The following CAMSAP2 variants were observed in gnomAD, a reference collection of about 807,000 sequenced individuals.
The protein encoded by CAMSAP2 is calmodulin regulated spectrin associated protein family member 2, also known as calmodulin-regulated spectrin-associated protein 2.
CAMSAP2 carries 26 observed loss-of-function variants against 146.1 expected under a neutral mutation model. The observed-to-expected ratio is 0.18, with a 90% CI of 0.13 to 0.25. The LOEUF (loss-of-function observed/expected upper bound fraction) is 0.25, where lower values mean the gene tolerates loss of function less well. CAMSAP2 is among the 10% of genes least tolerant of loss of function. The pLI is 1.00. For missense variants in CAMSAP2, 1,381 were observed against 1,759.3 expected (o/e 0.78, Z 3.85); for synonymous variants, 499 against 596.6 (o/e 0.84, Z 2.38).
In CAMSAP2 at chr1:200,856,044, CGTT is replaced by C. The variant is rs763549843; in HGVS notation, c.3934_3936del (p.Cys1312del). 2.5e-6 allele frequency: 4 copies of C among 1,613,614 alleles called. No individual in the cohort carries two copies. Among genetic ancestry groups the C allele is most frequent in the African/African-American group, 2.7e-5 (2 of 74,876 alleles). Reference sequence around the variant, plus strand: ...TGTAGAAGGCTTCTTATCTCCAAGTCGTTGTGGCAGTCGAAATGGAGAAAAAGA... The same window carrying C: ...TGTAGAAGGCTTCTTATCTCCAAGTCGTGGCAGTCGAAATGGAGAAAAAGA... On this transcript the variant is annotated inframe_deletion, in exon 15 of 17. Coordinates refer to ENST00000358823, the MANE Select transcript of CAMSAP2 (RefSeq NM_203459.4).
chr1:200,835,599 A>T (rs939684811), intron 6 of CAMSAP2, among the ~76,000 whole-genome samples: 1 of 152,216 alleles, frequency 6.6e-6, no homozygotes, highest in South Asian at 2.1e-4. Context: ...AGTTGTACCC[A>T]GTCTCTTGTG....
At chr1:200,839,974 T>A (rs1420009449) in intron 6 of CAMSAP2, among the ~76,000 whole-genome samples, 1 of 152,246 alleles carries the variant, frequency 6.6e-6, no homozygotes, top group Non-Finnish European at 1.5e-5. Flanking sequence ...TTTTAATGGC[T>A]GCTTCAATTA....
At chr1:200,847,932 G>C in intron 10 of CAMSAP2, 100 bp from the exon 11 acceptor site, 1 of 925,942 alleles carries the variant, frequency 1.1e-6, no homozygotes, top group Non-Finnish European at 1.6e-6. Flanking sequence ...ATGAGAACTG[G>C]GGAAAGAAAG....
At chr1:200,789,203 A>G (rs759920974) in intron 2 of CAMSAP2, among the ~76,000 whole-genome samples, 25 of 152,108 alleles carry the variant, frequency 1.6e-4, no homozygotes, top group Non-Finnish European at 3.7e-4. Context: ...CCAGCTTATC[A>G]ATTATTTTTT....
intron 2 of CAMSAP2, among the ~76,000 whole-genome samples, chr1:200,783,979 A>G (rs1282377557): frequency 6.6e-6 from 1 of 151,918 alleles, no homozygotes; most frequent in Non-Finnish European, 1.5e-5. Flanking sequence ...TTTCATTTAG[A>G]ACTATGATTC....
At chr1:200,851,441 C>T (rs995630515) in intron 11 of CAMSAP2, among the ~76,000 whole-genome samples, 11 of 152,248 alleles carry the variant, frequency 7.2e-5, no homozygotes, top group East Asian at 1.9e-4. Context: ...GTGATCTACC[C>T]GCCTCAGCCT....
At chr1:200,810,133 G>A (rs962966089) in intron 3 of CAMSAP2, among the ~76,000 whole-genome samples, 2 of 152,188 alleles carry the variant, frequency 1.3e-5, no homozygotes, top group Admixed American at 6.5e-5. Context: ...TAAAATGGCT[G>A]ATCTGAATGA....
chr1:200,742,496 CAA>C (rs1664209186), intron 1 of CAMSAP2, among the ~76,000 whole-genome samples: 1 of 151,894 alleles, frequency 6.6e-6, no homozygotes. Context: ...TCTTTCAAAA[CAA>C]ATTTATATGG....
In CAMSAP2 at chr1:200,808,356, T is replaced by A. The variant is rs573267935; in HGVS notation, c.561+819T>A. Among the ~76,000 whole-genome samples, 156 of 152,310 alleles carry A rather than the reference T, an allele frequency of 1.0e-3. 3 individuals are homozygous for A. In the South Asian group the frequency reaches 0.031, roughly 30 times the overall value. ...AATTTGAGTAGTTAATTTGTCTTGATCCACTTTCATTTACAACTGCCAGCC... is the reference window on the plus strand; with the variant it reads ...AATTTGAGTAGTTAATTTGTCTTGAACCACTTTCATTTACAACTGCCAGCC... On this transcript the variant is annotated intron_variant, in intron 3 of 16. Transcript: ENST00000358823.
chr1:200,821,443 A>G (rs1212305253), intron 4 of CAMSAP2, among the ~76,000 whole-genome samples: 2 of 152,194 alleles, frequency 1.3e-5, no homozygotes, highest in East Asian at 3.8e-4. Flanking sequence ...TTGACCTCCA[A>G]AGTGCTGGGA....
At chr1:200,757,630 T>A (rs1664687343) in intron 1 of CAMSAP2, among the ~76,000 whole-genome samples, 1 of 152,014 alleles carries the variant, frequency 6.6e-6, no homozygotes. Context: ...TTCCAAACTT[T>A]AAAAAAAATA....
At chr1:200,754,340 A>G (rs1315367460) in intron 1 of CAMSAP2, among the ~76,000 whole-genome samples, 1 of 152,098 alleles carries the variant, frequency 6.6e-6, no homozygotes, top group African/African-American at 2.4e-5. Flanking sequence ...GGTGATGTTA[A>G]CTTTGATCAC....
intron 4 of CAMSAP2, among the ~76,000 whole-genome samples, chr1:200,822,264 G>A (rs1359930933): frequency 2.0e-5 from 3 of 151,826 alleles, no homozygotes; most frequent in Non-Finnish European, 4.4e-5. Context: ...CTAAGAACAA[G>A]GCAATTCATT....
chr1:200,835,249 T>C (rs1292610864), intron 6 of CAMSAP2, among the ~76,000 whole-genome samples: 1 of 152,220 alleles, frequency 6.6e-6, no homozygotes, highest in Non-Finnish European at 1.5e-5. Flanking sequence ...AATGCAAGTG[T>C]GTAAAAGTTA....
At chr1:200,825,117 T>C (rs1443579103) in intron 4 of CAMSAP2, among the ~76,000 whole-genome samples, 1 of 152,206 alleles carries the variant, frequency 6.6e-6, no homozygotes. Context: ...GCCTTCACTG[T>C]GGTTATATTA....
At chr1:200,816,624 ATG>A (rs1365784190) in intron 4 of CAMSAP2, among the ~76,000 whole-genome samples, 1 of 142,568 alleles carries the variant, frequency 7.0e-6, no homozygotes, top group Non-Finnish European at 1.5e-5. Context: ...ATATATATAT[ATG>A]TATATATATA....
intron 1 of CAMSAP2, among the ~76,000 whole-genome samples, chr1:200,744,322 G>C (rs971635400): frequency 2.6e-5 from 4 of 152,200 alleles, no homozygotes; most frequent in African/African-American, 9.6e-5. Context: ...TGAATGAAAA[G>C]GGAATGTGTA....
At chr1:200,757,645 T>G (rs988737668) in intron 1 of CAMSAP2, among the ~76,000 whole-genome samples, 9 of 152,188 alleles carry the variant, frequency 5.9e-5, no homozygotes, top group African/African-American at 2.2e-4. Flanking sequence ...AAAATAATAG[T>G]TTTATACCAT....
intron 14 of CAMSAP2, among the ~76,000 whole-genome samples, chr1:200,855,327 T>C (rs952761273): frequency 2.0e-5 from 3 of 151,416 alleles, no homozygotes; most frequent in Non-Finnish European, 4.4e-5. Flanking sequence ...TTTTGTATTT[T>C]CTTTCTCTAG....
Sources: gnomAD v4.1 joint callset for allele counts (sites outside exome capture counted in the v4.1 genomes callset) on GRCh38, gnomAD v4.1.1 for gene constraint, MANE v1.5 for transcripts, NCBI Gene and HGNC (gene_info 2026-07-23, HGNC 2026-07-21) for gene names.